Variants in CPEB3 observed in about 807,000 individuals in gnomAD.
CPEB3 encodes cytoplasmic polyadenylation element-binding protein 3.
A neutral mutation model predicts 67.2 loss-of-function variants in CPEB3; 20 were observed. That is an observed-to-expected ratio of 0.30 (90% CI 0.21 to 0.43). The LOEUF (loss-of-function observed/expected upper bound fraction) is 0.43, where lower values mean the gene tolerates loss of function less well. Among genes scored for constraint, CPEB3 ranks in the 20% least tolerant of loss-of-function variants. CPEB3 has a pLI of 1.00. For synonymous variants in CPEB3, 376 were observed against 393.1 expected (o/e 0.96, Z 0.51); for missense variants, 746 against 968.6 (o/e 0.77, Z 3.05).
intron 9 of CPEB3, among the ~76,000 whole-genome samples, chr10:92,058,861 C>T (rs1842221999): frequency 6.6e-6 from 1 of 152,064 alleles, no homozygotes; most frequent in African/African-American, 2.4e-5. Context: ...CCAAAAGCTA[C>T]AGAATACACG....
intron 4 of CPEB3, among the ~76,000 whole-genome samples, chr10:92,154,025 C>A (rs544596484): frequency 6.3e-4 from 96 of 152,200 alleles, no homozygotes; most frequent in East Asian, 4.6e-3. Flanking sequence ...TGCTAAACAT[C>A]AAAAATACTG....
chr10:92,283,302 C>G (rs548583792), intron 1 of CPEB3, among the ~76,000 whole-genome samples: 3 of 152,208 alleles, frequency 2.0e-5, no homozygotes, highest in Non-Finnish European at 4.4e-5. Context: ...TACTGAAGAA[C>G]TTTCAGTAAT....
chr10:92,179,328 T>C (rs1169662940), intron 4 of CPEB3, among the ~76,000 whole-genome samples: 2 of 152,212 alleles, frequency 1.3e-5, no homozygotes, highest in African/African-American at 4.8e-5. Flanking sequence ...AAATGTCTTT[T>C]AGCTCCATTT....
At chr10:92,059,000 G>A in intron 9 of CPEB3, among the ~76,000 whole-genome samples, 1 of 152,078 alleles carries the variant, frequency 6.6e-6, no homozygotes, top group Admixed American at 6.6e-5. Flanking sequence ...GAATAAAACT[G>A]GAAATTAATA....
intron 3 of CPEB3, among the ~76,000 whole-genome samples, chr10:92,189,309 C>A (rs1022507602): frequency 3.3e-5 from 5 of 152,120 alleles, no homozygotes; most frequent in Non-Finnish European, 5.9e-5. Context: ...AAAATTTTGA[C>A]AACTTGCACC....
In CPEB3 at chr10:92,240,213, C is replaced by T; in HGVS notation, c.138G>A (p.Lys46=). ...CCGGCACTGCGCTGTTTTCCTCCGG[C>T]TTGGGGGTCTCTGAGGAGAGGGGCG... The part of the protein sequence containing the change: ...PSTPLSSETP[K]PEENSAVPAL... The change falls in exon 2 of 10, where the codon AAG becomes AAA. Residue 46 remains lysine, a synonymous_variant. Transcript: ENST00000265997. 6.6e-7 allele frequency: 1 copy of T among 1,511,018 alleles called. No individual in the cohort carries two copies. The highest frequency in any genetic ancestry group is 8.9e-7 in the Non-Finnish European group (1 of 1,126,958). The allele number at this position is 1,511,018 out of a possible 1,614,324, so 93.6% of individuals were successfully genotyped here. A position where few individuals can be genotyped will look rare whatever the true frequency, so the allele number is the denominator to read the frequency against.
intron 3 of CPEB3, among the ~76,000 whole-genome samples, chr10:92,191,356 T>G (rs1387639472): frequency 1.3e-5 from 2 of 151,458 alleles, no homozygotes; most frequent in African/African-American, 4.9e-5. Context: ...GAGCCAAGAT[T>G]GTGCCACTGC....
At chr10:92,267,673 T>G (rs1477806819) in intron 1 of CPEB3, among the ~76,000 whole-genome samples, 2 of 152,082 alleles carry the variant, frequency 1.3e-5, no homozygotes, top group East Asian at 3.8e-4. Context: ...AGGATGAGTG[T>G]GATGATGGTG....
chr10:92,181,367 CA>C (rs55896574), intron 3 of CPEB3, among the ~76,000 whole-genome samples: 36,514 of 95,226 alleles, frequency 0.38, 3,402 homozygotes, highest in Admixed American at 0.41. Flanking sequence ...ATTCAAGCAG[CA>C]AAAAAAAAAA....
Position 92,239,277 on chromosome 10 carries a change from T to C in CPEB3, c.1005+69A>G. The stretch of plus-strand genomic sequence containing the variant: ...TTTTAAATATAAGCGGGTGGATGAT[T>C]AAAAGTCAGAGAAGTGGCAAAAGGA... On this transcript the variant is annotated intron_variant, in intron 2 of 9. Coordinates refer to ENST00000265997, the MANE Select transcript of CPEB3 (RefSeq NM_014912.5). The surrounding 1 kb of genome is among the most constrained non-coding windows in gnomAD (Gnocchi z 6.0). 2 of 1,518,340 alleles carry C rather than the reference T, an allele frequency of 1.3e-6. No individual in the cohort carries two copies. Among genetic ancestry groups the C allele is most frequent in the Non-Finnish European group, 1.8e-6 (2 of 1,119,250 alleles). 94.1% of individuals were successfully genotyped at this position (1,518,340 alleles called of 1,614,324 possible).
chr10:92,102,007 CACA>C (rs1844211560), intron 7 of CPEB3, among the ~76,000 whole-genome samples: 1 of 152,134 alleles, frequency 6.6e-6, no homozygotes, highest in Non-Finnish European at 1.5e-5. Flanking sequence ...AACTAAGAGC[CACA>C]ACAATAATTG....
At chr10:92,179,255 G>A (rs1032177891) in intron 4 of CPEB3, among the ~76,000 whole-genome samples, 2 of 151,926 alleles carry the variant, frequency 1.3e-5, no homozygotes, top group African/African-American at 2.4e-5. Flanking sequence ...ATGAAATCTT[G>A]GATTTAAAAG....
At chr10:92,085,601 T>C (rs1183286318) in intron 8 of CPEB3, among the ~76,000 whole-genome samples, 1 of 151,888 alleles carries the variant, frequency 6.6e-6, no homozygotes, top group East Asian at 1.9e-4. Flanking sequence ...TCCTGATTCT[T>C]TTTTCTTTTT....
At chr10:92,177,869 C>A (rs1371219687) in intron 4 of CPEB3, among the ~76,000 whole-genome samples, 1 of 151,750 alleles carries the variant, frequency 6.6e-6, no homozygotes, top group African/African-American at 2.4e-5. Flanking sequence ...TTGGTGAGGT[C>A]AAGAAAGTAA....
At chr10:92,081,644 C>T (rs1843157917) in intron 8 of CPEB3, 143 bp from the exon 9 acceptor site, 2 of 732,510 alleles carry the variant, frequency 2.7e-6, no homozygotes, top group Non-Finnish European at 4.4e-6. Context: ...ATGTCCACAC[C>T]AGTCTTACAA....
At chr10:92,163,228 A>G (rs1337788003) in intron 4 of CPEB3, among the ~76,000 whole-genome samples, 3 of 152,208 alleles carry the variant, frequency 2.0e-5, no homozygotes, top group Non-Finnish European at 2.9e-5. Context: ...TGAGGTCAGG[A>G]GTTCAAGACC....
At chr10:92,281,086 C>T (rs904579487) in intron 1 of CPEB3, among the ~76,000 whole-genome samples, 2 of 151,720 alleles carry the variant, frequency 1.3e-5, no homozygotes, top group African/African-American at 4.8e-5. Flanking sequence ...CATGTGCTTA[C>T]TATTTGCTTA....
intron 1 of CPEB3, among the ~76,000 whole-genome samples, chr10:92,276,135 A>G (rs1207184593): frequency 6.6e-6 from 1 of 151,978 alleles, no homozygotes; most frequent in Admixed American, 6.6e-5. Context: ...GGTGTGAGCC[A>G]CCACGCCCGG....
chr10:92,244,503 T>A (rs1204900567), intron 1 of CPEB3, among the ~76,000 whole-genome samples: 3 of 151,486 alleles, frequency 2.0e-5, no homozygotes, highest in Non-Finnish European at 4.4e-5. Flanking sequence ...AGTGGTGCGA[T>A]CTCAGCTCAT....
Sources: gnomAD v4.1 joint callset for allele counts (sites outside exome capture counted in the v4.1 genomes callset) on GRCh38, gnomAD v4.1.1 for gene constraint, Gnocchi (gnomAD v3.1) non-coding constraint, MANE v1.5 for transcripts, NCBI Gene and HGNC (gene_info 2026-07-23, HGNC 2026-07-21) for gene names.